The following CDH6 variants were observed in gnomAD, a reference collection of about 807,000 sequenced individuals.
The protein encoded by CDH6 is cadherin 6, also known as cadherin-6.
Under a neutral mutation model 78.0 loss-of-function variants are expected in CDH6, and 31 were observed. That is an observed-to-expected ratio of 0.40 (90% CI 0.30 to 0.54). The LOEUF is 0.54. Ranked by LOEUF, CDH6 falls within the 20% of genes least tolerant of loss-of-function variation. CDH6 has a pLI of 0.56. For synonymous variants in CDH6, 376 were observed against 368.8 expected (o/e 1.02, Z -0.23); for missense variants, 724 against 975.9 (o/e 0.74, Z 3.44).
At chr5:31,211,292 G>C (rs1412967460) in intron 1 of CDH6, among the ~76,000 whole-genome samples, 3 of 152,008 alleles carry the variant, frequency 2.0e-5, no homozygotes, top group Admixed American at 6.6e-5. Flanking sequence ...TCTGTGGGGT[G>C]GGGGGATTTG....
chr5:31,268,904 ATAAAG>A (rs1429475500), intron 2 of CDH6, among the ~76,000 whole-genome samples: 1 of 152,190 alleles, frequency 6.6e-6, no homozygotes, highest in African/African-American at 2.4e-5. Flanking sequence ...TTAATGTAGA[ATAAAG>A]TAAGAGAGGA....
At chr5:31,259,188 T>C (rs894014199) in intron 1 of CDH6, among the ~76,000 whole-genome samples, 1 of 152,216 alleles carries the variant, frequency 6.6e-6, no homozygotes, top group South Asian at 2.1e-4. Context: ...ATAAAAGACG[T>C]ACATATATCA....
chr5:31,300,671 A>T (rs1307618624), intron 5 of CDH6, among the ~76,000 whole-genome samples: 1 of 152,204 alleles, frequency 6.6e-6, no homozygotes, highest in Non-Finnish European at 1.5e-5. Flanking sequence ...GAAGAATAAC[A>T]TAAGGATTCC....
rs140489904 is a variant in CDH6, at chr5:31,325,990, G to A, written c.*2682G>A. 1.1e-3 allele frequency: 245 copies of A among 231,884 alleles called. 1 individual carries two copies. The highest frequency in any genetic ancestry group is 4.9e-3 in the African/African-American group (222 of 45,320). 14.4% of individuals were successfully genotyped at this position (231,884 alleles called of 1,614,324 possible). On this transcript the variant is annotated 3_prime_UTR_variant, in exon 12 of 12. Coordinates refer to ENST00000265071, the MANE Select transcript of CDH6 (RefSeq NM_004932.4). The stretch of plus-strand genomic sequence containing the variant: ...CTCACTTCCTTCCCACCCCACCTGA[G>A]TATCAGGTCAAACATCATTGCATGC...
rs534898064 is a variant in CDH6 at position 31,326,957 on chromosome 5, G to A, written c.*3649G>A. On this transcript the variant is annotated 3_prime_UTR_variant, in exon 12 of 12. Transcript: ENST00000265071. ...GGTCCGCCCGCCTCGGCCTCCCAAA[G>A]TGCTGGGATTACAGGCGTGAGCCAC... 1.2e-5 allele frequency: 2 copies of A among 164,858 alleles called. No homozygotes were observed. Among genetic ancestry groups the A allele is most frequent in the Admixed American group, 6.4e-5 (1 of 15,580 alleles). 10.2% of individuals were successfully genotyped at this position (164,858 alleles called of 1,614,324 possible). A position where few individuals can be genotyped will look rare whatever the true frequency, so the allele number is the denominator to read the frequency against.
At chr5:31,304,969 G>A (rs983990445) in intron 6 of CDH6, among the ~76,000 whole-genome samples, 13 of 151,844 alleles carry the variant, frequency 8.6e-5, no homozygotes, top group South Asian at 2.1e-4. Flanking sequence ...CTTTATAATC[G>A]TTTCCTGCCT....
chr5:31,315,982 C>T (rs994930202), intron 8 of CDH6, among the ~76,000 whole-genome samples: 1 of 152,154 alleles, frequency 6.6e-6, no homozygotes, highest in African/African-American at 2.4e-5. Context: ...TATATCAACA[C>T]AAGTGGCTTT....
At chr5:31,263,266 T>C (rs1346146320) in intron 1 of CDH6, among the ~76,000 whole-genome samples, 1 of 150,582 alleles carries the variant, frequency 6.6e-6, no homozygotes, top group East Asian at 1.9e-4. Flanking sequence ...CTTCTTTTTT[T>C]TTTTTTTTTT....
In CDH6 at chr5:31,305,269, A is replaced by G; in HGVS notation, c.1095A>G (p.Lys365=). The G allele has an allele frequency of 3.1e-6, 5 of 1,614,184 alleles. No individual in the cohort carries two copies. Among genetic ancestry groups the G allele is most frequent in the Non-Finnish European group, 4.2e-6 (5 of 1,180,024 alleles). The stretch of plus-strand genomic sequence containing the variant: ...GATTTCTCTACTTGGGGCCTTTCAA[A>G]GATTCAGCCACGGTTAGAATTGTGG... ...EPRFLYLGPF[K]DSATVRIVVE... The change falls in exon 7 of 12, where the codon AAA becomes AAG. Residue 365 remains lysine (K), a synonymous_variant. Transcript: ENST00000265071.
intron 2 of CDH6, among the ~76,000 whole-genome samples, chr5:31,270,165 C>T (rs549334788): frequency 6.6e-6 from 1 of 152,228 alleles, no homozygotes; most frequent in Non-Finnish European, 1.5e-5. Context: ...AAAGAGACAC[C>T]TGATGCGATT....
intron 2 of CDH6, among the ~76,000 whole-genome samples, chr5:31,274,859 A>G (rs2149937303): frequency 6.6e-6 from 1 of 152,316 alleles, no homozygotes; most frequent in South Asian, 2.1e-4. Flanking sequence ...AAAGTAAAGA[A>G]AAGAGTGAAG....
chr5:31,249,166 A>T (rs1426522169), intron 1 of CDH6: 1 of 152,226 alleles, frequency 6.6e-6, no homozygotes, highest in African/African-American at 2.4e-5. Flanking sequence ...ATTTGGGGAA[A>T]AAAAGGTGAG....
intron 3 of CDH6, among the ~76,000 whole-genome samples, chr5:31,296,426 G>T (rs4315933): frequency 0.94 from 142,943 of 152,188 alleles, 67,612 homozygotes; most frequent in East Asian, 1. Flanking sequence ...GCAACTGTGG[G>T]GTCTAAAATA....
At chr5:31,208,743 T>C (rs1193403633) in intron 1 of CDH6, among the ~76,000 whole-genome samples, 1 of 149,386 alleles carries the variant, frequency 6.7e-6, no homozygotes, top group Non-Finnish European at 1.5e-5. Flanking sequence ...CTTATGTATG[T>C]GTTTCATGAG....
intron 1 of CDH6, among the ~76,000 whole-genome samples, chr5:31,199,669 A>ATGTGTGTGTGTGTATG (rs1740287489): frequency 1.1e-5 from 1 of 94,242 alleles, no homozygotes; most frequent in East Asian, 3.8e-4. Context: ...GTGTGTGTGT[A>ATGTGTGTGTGTGTATG]TGTGTGTGTG....
intron 1 of CDH6, among the ~76,000 whole-genome samples, chr5:31,262,413 C>T (rs567169374): frequency 3.9e-5 from 6 of 152,140 alleles, no homozygotes; most frequent in African/African-American, 9.7e-5. Context: ...ATCAAATTTC[C>T]GAGCATACAA....
intron 2 of CDH6, among the ~76,000 whole-genome samples, chr5:31,281,422 G>A (rs963846212): frequency 1.3e-5 from 2 of 152,080 alleles, no homozygotes; most frequent in Admixed American, 6.6e-5. Context: ...AAAAAAGGTA[G>A]CATTCTAACT....
At chr5:31,222,927 C>T (rs1741041533) in intron 1 of CDH6, among the ~76,000 whole-genome samples, 1 of 152,128 alleles carries the variant, frequency 6.6e-6, no homozygotes. Context: ...GCAAAGTTCT[C>T]ACTTTTTTGA....
Position 31,267,656 on chromosome 5 carries a change from T to C in CDH6, c.183T>C (p.Phe61=), listed in dbSNP as rs35360913. The change falls in exon 2 of 12, where the codon TTT becomes TTC. Residue 61 remains phenylalanine, a synonymous_variant. Transcript: ENST00000265071. ...SKRSWMWNQF[F]LLEEYTGSDY... ...GGAGCTGGATGTGGAATCAGTTCTT[T>C]CTCCTGGAGGAATACACAGGATCCG... 1.4e-3 allele frequency: 2,248 copies of C among 1,614,078 alleles called. 31 individuals carry two copies. In the African/African-American group the frequency reaches 0.027, roughly 20 times the overall value.
Sources: allele counts gnomAD v4.1 joint callset (sites outside exome capture counted in the v4.1 genomes callset), GRCh38; gene constraint gnomAD v4.1.1; transcripts MANE v1.5; gene names NCBI Gene and HGNC (gene_info 2026-07-23, HGNC 2026-07-21).